Variants in PDE10A observed in about 807,000 individuals in gnomAD.
PDE10A encodes phosphodiesterase 10A.
In PDE10A, 39 loss-of-function variants were observed where a neutral mutation model predicts 97.7. The ratio of observed to expected loss-of-function variants is 0.40; its 90% CI spans 0.31 to 0.52. PDE10A has a LOEUF of 0.52. Ranked by LOEUF, PDE10A falls within the 20% of genes least tolerant of loss-of-function variation. The pLI, the probability that PDE10A is intolerant of heterozygous loss-of-function variation, is 0.56. For synonymous variants in PDE10A, 371 were observed against 376.8 expected (o/e 0.98, Z 0.18); for missense variants, 731 against 1,047.8 (o/e 0.70, Z 4.17).
chr6:165,522,752 T>C (rs554316861), intron 2 of PDE10A, among the ~76,000 whole-genome samples: 4 of 152,180 alleles, frequency 2.6e-5, no homozygotes, highest in African/African-American at 9.6e-5. Flanking sequence ...TTATTTAGCA[T>C]AGTACTGGAT....
intron 1 of PDE10A, among the ~76,000 whole-genome samples, chr6:165,677,414 A>C (rs771331864): frequency 2.0e-5 from 3 of 152,216 alleles, no homozygotes; most frequent in Admixed American, 2.0e-4. Flanking sequence ...AGTCACATAC[A>C]GTGAGCCCTC....
chr6:165,943,825 A>G (rs1316697227), intron 1 of PDE10A, among the ~76,000 whole-genome samples: 1 of 152,240 alleles, frequency 6.6e-6, no homozygotes, highest in Non-Finnish European at 1.5e-5. Context: ...CACCTAACCC[A>G]GTCAAGATGG....
intron 17 of PDE10A, among the ~76,000 whole-genome samples, chr6:165,380,143 G>A (rs1784842837): frequency 6.6e-6 from 1 of 152,030 alleles, no homozygotes; most frequent in African/African-American, 2.4e-5. Context: ...GTTTTTATTT[G>A]TAATTGAGGG....
intron 1 of PDE10A, among the ~76,000 whole-genome samples, chr6:165,794,631 C>A (rs1778781001): frequency 6.6e-6 from 1 of 151,974 alleles, no homozygotes; most frequent in African/African-American, 2.4e-5. Context: ...ATGTATCTCA[C>A]ACAACCCACA....
At chr6:165,715,146 G>A (rs1211213062) in intron 1 of PDE10A, among the ~76,000 whole-genome samples, 20 of 152,206 alleles carry the variant, frequency 1.3e-4, no homozygotes, top group South Asian at 4.1e-4. Flanking sequence ...GACCAGGTGC[G>A]GCCGGCGCTG....
At chr6:165,698,723 G>C (rs1477989542) in intron 1 of PDE10A, among the ~76,000 whole-genome samples, 1 of 152,018 alleles carries the variant, frequency 6.6e-6, no homozygotes, top group Non-Finnish European at 1.5e-5. Context: ...GGCGGCATTT[G>C]CTTGTAGTCC....
intron 1 of PDE10A, among the ~76,000 whole-genome samples, chr6:165,599,476 T>G (rs1367145604): frequency 1.3e-5 from 2 of 152,212 alleles, no homozygotes; most frequent in African/African-American, 4.8e-5. Flanking sequence ...GTCTCTCTTC[T>G]GACTTCTTGG....
At chr6:165,917,608 A>T (rs910558790) in intron 1 of PDE10A, among the ~76,000 whole-genome samples, 3 of 152,224 alleles carry the variant, frequency 2.0e-5, no homozygotes, top group African/African-American at 7.2e-5. Flanking sequence ...TAGCTTCCTA[A>T]AATGGTCAAA....
chr6:165,761,015 G>A (rs963291529), intron 1 of PDE10A, among the ~76,000 whole-genome samples: 2 of 152,322 alleles, frequency 1.3e-5, no homozygotes, highest in Non-Finnish European at 2.9e-5. Context: ...CTGGGAGAAC[G>A]GGGCGGAGCC....
chr6:165,709,609 C>T (rs1364788400), intron 1 of PDE10A, among the ~76,000 whole-genome samples: 6 of 32,902 alleles, frequency 1.8e-4, no homozygotes, highest in Non-Finnish European at 3.1e-4. Context: ...TGCTGTGCTC[C>T]CTCCACTCTA....
At chr6:165,454,899 T>G (rs1226571897) in intron 3 of PDE10A, among the ~76,000 whole-genome samples, 1 of 152,140 alleles carries the variant, frequency 6.6e-6, no homozygotes, top group African/African-American at 2.4e-5. Flanking sequence ...TCAGAATATT[T>G]CACTGAATTC....
chr6:165,473,315 T>G (rs1779117737), intron 3 of PDE10A, among the ~76,000 whole-genome samples: 1 of 152,214 alleles, frequency 6.6e-6, no homozygotes, highest in Non-Finnish European at 1.5e-5. Context: ...GTTTCAATAC[T>G]TCTCAGAGAC....
rs571556873 is a variant in PDE10A, at chr6:165,583,741, A to G, written c.866-40173T>C. On this transcript the variant is annotated intron_variant, in intron 1 of 21. Transcript: ENST00000539869. Reference sequence around the variant, plus strand: ...GGGGCAATGTTCTGTGGGAGATTGTATATGTCCTAAACTAGTGTCTAATGT... The same window carrying G: ...GGGGCAATGTTCTGTGGGAGATTGTGTATGTCCTAAACTAGTGTCTAATGT... Among the ~76,000 whole-genome samples the G allele has an allele frequency of 5.3e-5, 8 of 152,292 alleles. No homozygotes were observed. The East Asian group carries it at 1.2e-3, about 22-fold the overall frequency.
At chr6:165,350,213 C>A (rs537395212) in intron 18 of PDE10A, among the ~76,000 whole-genome samples, 2 of 152,298 alleles carry the variant, frequency 1.3e-5, no homozygotes, top group South Asian at 2.1e-4. Context: ...TCCTGTAGAG[C>A]CACAGGGGCA....
chr6:165,463,380 C>T lies in PDE10A; in HGVS notation c.1024-13018G>A, dbSNP rs1465640151. Reference sequence around the variant, plus strand: ...CAATCTACAAACTGGTTTTTGGATACAGCAAAATTAAAAGAACAAATATTT... The same window carrying T: ...CAATCTACAAACTGGTTTTTGGATATAGCAAAATTAAAAGAACAAATATTT... On this transcript the variant is annotated intron_variant, in intron 3 of 21. Coordinates refer to ENST00000539869, the MANE Select transcript of PDE10A (RefSeq NM_001385079.1). Among the ~76,000 whole-genome samples, 4 of 152,170 alleles carry T rather than the reference C, an allele frequency of 2.6e-5. No homozygotes were observed. In the South Asian group the frequency reaches 6.2e-4, roughly 24 times the overall value.
intron 1 of PDE10A, among the ~76,000 whole-genome samples, chr6:165,554,160 T>C (rs1021599817): frequency 1.3e-5 from 2 of 152,000 alleles, no homozygotes; most frequent in Admixed American, 6.6e-5. Flanking sequence ...CATGGACAAA[T>C]GGAATCACAT....
chr6:165,866,422 T>TTTTTTTTTTTTTTTTGAGACGG (rs1781049986), intron 1 of PDE10A, among the ~76,000 whole-genome samples: 2 of 150,102 alleles, frequency 1.3e-5, no homozygotes, highest in East Asian at 2.0e-4. Flanking sequence ...GAATTTCTGT[T>TTTTTTTTTTTTTTTTGAGACGG]AATTCATTTC....
intron 1 of PDE10A, among the ~76,000 whole-genome samples, chr6:165,590,933 A>C (rs1011275683): frequency 1.3e-5 from 2 of 152,152 alleles, no homozygotes; most frequent in Non-Finnish European, 2.9e-5. Flanking sequence ...CAAGTACAAC[A>C]ACCATGATGA....
intron 1 of PDE10A, among the ~76,000 whole-genome samples, chr6:165,950,477 T>G (rs572627472): frequency 6.6e-6 from 1 of 152,150 alleles, no homozygotes; most frequent in Non-Finnish European, 1.5e-5. Flanking sequence ...GTGAGAGTGA[T>G]GCACCTGTTC....
Sources: gnomAD v4.1 joint callset for allele counts (sites outside exome capture counted in the v4.1 genomes callset) on GRCh38, gnomAD v4.1.1 for gene constraint, MANE v1.5 for transcripts, NCBI Gene and HGNC (gene_info 2026-07-23, HGNC 2026-07-21) for gene names.